The following HS3ST4 variants were observed in gnomAD, a reference collection of about 807,000 sequenced individuals.
HS3ST4 encodes the protein heparan sulfate glucosamine 3-O-sulfotransferase 4.
HS3ST4 carries 17 observed loss-of-function variants against 29.2 expected under a neutral mutation model. That is an observed-to-expected ratio of 0.58 (90% CI 0.40 to 0.87). The LOEUF is 0.87. HS3ST4 is among the 40% of genes least tolerant of loss of function. The pLI, the probability that HS3ST4 is intolerant of heterozygous loss-of-function variation, is 0.00. For synonymous variants in HS3ST4, 314 were observed against 285.7 expected (o/e 1.10, Z -1.00); for missense variants, 627 against 634.5 (o/e 0.99, Z 0.13).
intron 1 of HS3ST4, among the ~76,000 whole-genome samples, chr16:25,699,568 A>T (rs974831050): frequency 6.6e-6 from 1 of 152,244 alleles, no homozygotes; most frequent in Non-Finnish European, 1.5e-5. Context: ...TGGCTTTGCC[A>T]CATACTAGTT....
rs34307442 is a variant in HS3ST4, at chr16:25,854,789, C to CAA, written c.734+161650_734+161651dup. Among the ~76,000 whole-genome samples the CAA allele has an allele frequency of 5.6e-3, 770 of 138,188 alleles. 8 individuals carry two copies. Among genetic ancestry groups the CAA allele is most frequent in the African/African-American group, 0.017 (628 of 37,708 alleles). The allele number at this position is 138,188 out of a possible 152,430, so 90.7% of individuals were successfully genotyped here. A position where few individuals can be genotyped will look rare whatever the true frequency, so the allele number is the denominator to read the frequency against. On this transcript the variant is annotated intron_variant, in intron 1 of 1. Coordinates refer to ENST00000331351, the MANE Select transcript of HS3ST4 (RefSeq NM_006040.3). Reference sequence around the variant, plus strand: ...GTAAGGGAGGCGAGGTGTTTGTTGACAAAAAAAAAAAAAGAAAATGCAAAC... The same window carrying CAA: ...GTAAGGGAGGCGAGGTGTTTGTTGACAAAAAAAAAAAAAAAGAAAATGCAAAC...
chr16:26,134,676 C>G (rs899946905), intron 1 of HS3ST4, among the ~76,000 whole-genome samples: 12 of 152,106 alleles, frequency 7.9e-5, no homozygotes, highest in African/African-American at 2.7e-4. Context: ...TAATAAGGCT[C>G]GAAGATATAA....
chr16:25,893,988 G>A (rs890356685), intron 1 of HS3ST4, among the ~76,000 whole-genome samples: 1 of 152,126 alleles, frequency 6.6e-6, no homozygotes, highest in Non-Finnish European at 1.5e-5. Flanking sequence ...TTTAAACCAG[G>A]GCGATTTCTA....
At chr16:25,943,056 C>G (rs1461829679) in intron 1 of HS3ST4, among the ~76,000 whole-genome samples, 4 of 152,152 alleles carry the variant, frequency 2.6e-5, no homozygotes, top group Non-Finnish European at 5.9e-5. Flanking sequence ...CTAACCATAA[C>G]CATAATTCTA....
chr16:26,136,737 C>A lies in HS3ST4; in HGVS notation c.*489C>A, dbSNP rs1898288687. ...CTTTGTGGCTGAGTGCTCCAGGACT[C>A]CTAGGGAGCAAGGTCCTCCCTCTAA... On this transcript the variant is annotated 3_prime_UTR_variant, in exon 2 of 2. Coordinates refer to ENST00000331351, the MANE Select transcript of HS3ST4 (RefSeq NM_006040.3). 1 of 163,760 alleles carries A rather than the reference C, an allele frequency of 6.1e-6. No individual in the cohort carries two copies. The highest frequency in any genetic ancestry group is 2.4e-5 in the African/African-American group (1 of 41,490). 10.1% of individuals were successfully genotyped at this position (163,760 alleles called of 1,614,324 possible).
At chr16:25,767,425 G>T (rs568381603) in intron 1 of HS3ST4, among the ~76,000 whole-genome samples, 6 of 152,182 alleles carry the variant, frequency 3.9e-5, no homozygotes, top group Non-Finnish European at 8.8e-5. Context: ...GTCTCCTCGG[G>T]GGGTGGCTGA....
chr16:25,724,411 T>C (rs1966518002), intron 1 of HS3ST4, among the ~76,000 whole-genome samples: 2 of 150,014 alleles, frequency 1.3e-5, no homozygotes, highest in Admixed American at 6.7e-5. Flanking sequence ...TCACCCAAGC[T>C]GGAGTGTGAT....
At chr16:25,828,301 C>CCCTCTCTCT (rs1967253350) in intron 1 of HS3ST4, among the ~76,000 whole-genome samples, 4 of 32,896 alleles carry the variant, frequency 1.2e-4, no homozygotes, top group Admixed American at 3.7e-4. Flanking sequence ...TCTTTCTTTC[C>CCCTCTCTCT]CTCTCTCTCT....
intron 1 of HS3ST4, among the ~76,000 whole-genome samples, chr16:25,834,066 C>T (rs1967333869): frequency 6.6e-6 from 1 of 152,012 alleles, no homozygotes; most frequent in Non-Finnish European, 1.5e-5. Context: ...ATGCGAAAAT[C>T]AAAATGGGAA....
At chr16:25,859,154 G>A (rs11864209) in intron 1 of HS3ST4, among the ~76,000 whole-genome samples, 27,668 of 152,024 alleles carry the variant, frequency 0.18, 2,794 homozygotes, top group African/African-American at 0.27. Flanking sequence ...TATGAATTCA[G>A]TCCTCTCTGT....
At position 25,788,471 on chromosome 16, in the gene HS3ST4, T is replaced by C. The variant is rs114396729; in HGVS notation, c.734+95320T>C. ...AAGTCTCTGTGAATAATCTACGTATTATTTCACTTTCTCCCTGTTATCATT... is the reference window on the plus strand; with the variant it reads ...AAGTCTCTGTGAATAATCTACGTATCATTTCACTTTCTCCCTGTTATCATT... On this transcript the variant is annotated intron_variant, in intron 1 of 1. Coordinates refer to ENST00000331351, the MANE Select transcript of HS3ST4 (RefSeq NM_006040.3). Among the ~76,000 whole-genome samples the C allele has an allele frequency of 4.0e-3, 607 of 151,914 alleles. 4 individuals carry two copies. The highest frequency in any genetic ancestry group is 0.014 in the African/African-American group (572 of 41,400).
At chr16:25,759,703 TCG>T (rs1966777816) in intron 1 of HS3ST4, among the ~76,000 whole-genome samples, 1 of 152,040 alleles carries the variant, frequency 6.6e-6, no homozygotes, top group Admixed American at 6.6e-5. Flanking sequence ...GTGGGGAGGA[TCG>T]CTTGAGGCCA....
At chr16:25,832,483 C>T (rs955454263) in intron 1 of HS3ST4, among the ~76,000 whole-genome samples, 1 of 152,152 alleles carries the variant, frequency 6.6e-6, no homozygotes, top group African/African-American at 2.4e-5. Flanking sequence ...TGTAGTTTTG[C>T]TGACTTTGCC....
chr16:26,110,028 C>T (rs924053674), intron 1 of HS3ST4, among the ~76,000 whole-genome samples: 20 of 151,986 alleles, frequency 1.3e-4, no homozygotes, highest in Admixed American at 1.2e-3. Flanking sequence ...ACCCATTGAC[C>T]GATATTTTCC....
At chr16:25,993,901 C>CT (rs142691580) in intron 1 of HS3ST4, among the ~76,000 whole-genome samples, 1,697 of 150,874 alleles carry the variant, frequency 0.011, 33 homozygotes, top group African/African-American at 0.039. Flanking sequence ...GAGGGTCCAT[C>CT]TTTCTGGTTT....
rs566810588 is a variant in HS3ST4 at position 25,920,603 on chromosome 16, C to CG, written c.735-215009_735-215008insG. On this transcript the variant is annotated intron_variant, in intron 1 of 1. Coordinates refer to ENST00000331351, the MANE Select transcript of HS3ST4 (RefSeq NM_006040.3). The stretch of plus-strand genomic sequence containing the variant: ...ATCCTTCCCCTCACTGCCGCCCCCA[C>CG]CCCTCTTTTTTTTTTTTGAAACAGG... Among the ~76,000 whole-genome samples the CG allele has an allele frequency of 3.1e-4, 27 of 86,896 alleles. 1 individual carries two copies. In the South Asian group the frequency reaches 0.016, roughly 52 times the overall value. The allele number at this position is 86,896 out of a possible 152,430, so 57.0% of individuals were successfully genotyped here.
intron 1 of HS3ST4, among the ~76,000 whole-genome samples, chr16:25,988,774 C>T (rs1969087650): frequency 6.6e-6 from 1 of 151,582 alleles, no homozygotes; most frequent in African/African-American, 2.4e-5. Flanking sequence ...GGCTTAATAC[C>T]TGAGTGATGA....
intron 1 of HS3ST4, among the ~76,000 whole-genome samples, chr16:25,781,257 C>A (rs958363603): frequency 1.3e-5 from 2 of 152,168 alleles, no homozygotes; most frequent in Non-Finnish European, 2.9e-5. Flanking sequence ...CTGGACTTGG[C>A]AGAGGTTTAA....
intron 1 of HS3ST4, among the ~76,000 whole-genome samples, chr16:25,736,594 A>T (rs1966611728): frequency 6.6e-6 from 1 of 152,250 alleles, no homozygotes. Flanking sequence ...TTTCATGGAA[A>T]GAACATCCTT....
Sources: allele counts gnomAD v4.1 joint callset (sites outside exome capture counted in the v4.1 genomes callset), GRCh38; gene constraint gnomAD v4.1.1; transcripts MANE v1.5; gene names NCBI Gene and HGNC (gene_info 2026-07-23, HGNC 2026-07-21).